UBR7: variants seen among roughly 807,000 people sequenced by gnomAD.
The protein encoded by UBR7 is ubiquitin protein ligase E3 component n-recognin 7.
A neutral mutation model predicts 57.0 loss-of-function variants in UBR7; 22 were observed. The observed-to-expected ratio is 0.39, with a 90% confidence interval of 0.28 to 0.55. The LOEUF (loss-of-function observed/expected upper bound fraction) is 0.55, where lower values mean the gene tolerates loss of function less well. UBR7 is among the 20% of genes least tolerant of loss of function. The pLI is 0.69. For synonymous variants in UBR7, 167 were observed against 179.8 expected (o/e 0.93, Z 0.57); for missense variants, 395 against 513.2 (o/e 0.77, Z 2.23).
chr14:93,218,421 A>AATAAT, intron 6 of UBR7, 106 bp from the exon 7 acceptor site: 1 of 1,029,988 alleles, frequency 9.7e-7, no homozygotes, highest in Non-Finnish European at 1.4e-6. Flanking sequence ...TAAAAAAAAA[A>AATAAT]AATAATAATA....
rs1894442657 is a variant in UBR7 at position 93,209,844 on chromosome 14, A to G, written c.171A>G (p.Ala57=). The G allele has an allele frequency of 6.2e-7, 1 of 1,613,846 alleles. No individual in the cohort carries two copies. The part of the protein sequence containing the change: ...SYSQGSVKRQ[A]LYACSTCTPE... The stretch of plus-strand genomic sequence containing the variant: ...TTCAGGGCTCAGTAAAGAGACAAGC[A>G]CTATATGCCTGTAGTACCTGCACCC... Residue 57 remains alanine (A), a synonymous_variant, in exon 2 of 11, where the codon GCA becomes GCG. Transcript: ENST00000013070.
At chr14:93,226,426 C>G (rs1489429985) in intron 10 of UBR7, among the ~76,000 whole-genome samples, 1 of 152,160 alleles carries the variant, frequency 6.6e-6, no homozygotes, top group Non-Finnish European at 1.5e-5. Flanking sequence ...GGGAGGATCA[C>G]TTGAGCTCAG....
At chr14:93,208,134 G>C (rs1342795530) in intron 1 of UBR7, among the ~76,000 whole-genome samples, 1 of 152,024 alleles carries the variant, frequency 6.6e-6, no homozygotes, top group Non-Finnish European at 1.5e-5. Flanking sequence ...GTGTTTGAGG[G>C]GGTGTGATGT....
At chr14:93,216,759 C>A (rs951554668) in intron 6 of UBR7, among the ~76,000 whole-genome samples, 1 of 151,994 alleles carries the variant, frequency 6.6e-6, no homozygotes, top group Non-Finnish European at 1.5e-5. Flanking sequence ...GGACTACAGG[C>A]ACATGCCACC....
Position 93,219,302 on chromosome 14 carries a change from A to G in UBR7, c.901A>G (p.Thr301Ala). ...LKAKQLIKKD[T>A]ATYWPLNWRS... is the part of the protein sequence containing the mutation. ...AGCTAAGCAGCTTATAAAGAAAGAC[A>G]CTGCCACCTATTGGCCCCTGAACTG... The change falls in exon 8 of 11, where the codon ACT becomes GCT. Residue 301 changes from threonine (T) to alanine (A), a missense_variant. Thr to Ala is a moderately conservative substitution (Grantham distance 58, BLOSUM62 0). Coordinates refer to ENST00000013070, the MANE Select transcript of UBR7 (RefSeq NM_175748.4). 1 of 1,614,210 alleles carries G rather than the reference A, an allele frequency of 6.2e-7. No individual in the cohort carries two copies. Among genetic ancestry groups the G allele is most frequent in the Non-Finnish European group, 8.5e-7 (1 of 1,180,040 alleles).
intron 1 of UBR7, 145 bp from the exon 2 acceptor site, chr14:93,209,679 G>A: frequency 9.5e-7 from 1 of 1,054,492 alleles, no homozygotes; most frequent in South Asian, 1.5e-5. Context: ...ATGCTCTGTT[G>A]TGTAAACTTT....
Position 93,222,359 on chromosome 14 carries a change from T to G in UBR7, c.1170T>G (p.Phe390Leu), listed in dbSNP as rs1309425917. Residue 390 changes from phenylalanine to leucine, a missense_variant, in exon 10 of 11, where the codon TTT (phenylalanine) becomes TTG (leucine). Transcript: ENST00000013070. ...AACTTAAAGACTATCTCAAGAGATT[T>G]GCTGATGAAGGCACGGTATGTTGAG... ...KTELKDYLKR[F>L]ADEGTVVKRE... 1 of 1,608,846 alleles carries G rather than the reference T, an allele frequency of 6.2e-7. No homozygotes were observed. Among genetic ancestry groups the G allele is most frequent in the Non-Finnish European group, 8.5e-7 (1 of 1,175,220 alleles).
chr14:93,224,372 CTTTTTTTTTTTTTT>C (rs761189322), intron 10 of UBR7, among the ~76,000 whole-genome samples: 3 of 93,792 alleles, frequency 3.2e-5, no homozygotes, highest in African/African-American at 5.1e-5. Flanking sequence ...CCTTACAGTT[CTTTTTTTTTTTTTT>C]TTTTTTTTTT....
At chr14:93,224,031 G>C (rs747809554) in intron 10 of UBR7, 2 of 940,626 alleles carry the variant, frequency 2.1e-6, no homozygotes, top group Non-Finnish European at 3.4e-6. Context: ...GCGACAACGT[G>C]ATTAGGCGCA....
In UBR7 at chr14:93,227,243, C is replaced by A. The variant is rs531404171; in HGVS notation, c.*208C>A. 4.7e-6 allele frequency: 3 copies of A among 632,038 alleles called. No homozygotes were observed. Among genetic ancestry groups the A allele is most frequent in the Non-Finnish European group, 8.8e-6 (3 of 342,294 alleles). The allele number at this position is 632,038 out of a possible 1,614,324, so 39.2% of individuals were successfully genotyped here. A position where few individuals can be genotyped will look rare whatever the true frequency, so the allele number is the denominator to read the frequency against. The stretch of plus-strand genomic sequence containing the variant: ...CCTCTGTGACTCAGCTGATGCAGCT[C>A]ATTCCACAGACTTCTCCAGTGTACT... On this transcript the variant is annotated 3_prime_UTR_variant, in exon 11 of 11. Coordinates refer to ENST00000013070, the MANE Select transcript of UBR7 (RefSeq NM_175748.4).
chr14:93,221,842 G>C, intron 9 of UBR7, among the ~76,000 whole-genome samples: 1 of 152,062 alleles, frequency 6.6e-6, no homozygotes. Context: ...AAGTAGCCAG[G>C]CATGGTGGCG....
At position 93,220,296 on chromosome 14, in the gene UBR7, C is replaced by T; in HGVS notation, c.1008C>T (p.Asp336=). The change falls in exon 9 of 11, where the codon GAC becomes GAT. Residue 336 remains aspartate, a synonymous_variant. Transcript: ENST00000013070. ...TCTTATTCCTGACAGATGAATACGA[C>T]ACAGTTCTGGCTTATGAAAACAAAG... ...LDVLFLTDEY[D]TVLAYENKGK... 5.6e-6 allele frequency: 9 copies of T among 1,606,132 alleles called. No individual in the cohort carries two copies. Among genetic ancestry groups the T allele is most frequent in the Non-Finnish European group, 7.6e-6 (9 of 1,178,592 alleles).
chr14:93,208,293 T>G (rs1177073306), intron 1 of UBR7, among the ~76,000 whole-genome samples: 1 of 152,010 alleles, frequency 6.6e-6, no homozygotes, highest in Non-Finnish European at 1.5e-5. Flanking sequence ...GGGGAGAGAC[T>G]TGTATTCATT....
At chr14:93,209,626 C>T (rs1324402118) in intron 1 of UBR7, among the ~76,000 whole-genome samples, 198 bp from the exon 2 acceptor site, 1 of 152,158 alleles carries the variant, frequency 6.6e-6, no homozygotes, top group Non-Finnish European at 1.5e-5. Flanking sequence ...AAAAAAAGCA[C>T]TAGTATAAAA....
In UBR7 at chr14:93,212,100, G is replaced by T; in HGVS notation, c.414G>T (p.Lys138Asn). Residue 138 changes from lysine (K) to asparagine (N), a missense_variant, in exon 4 of 11, where the codon AAG becomes AAT. Lys to Asn is a moderately conservative substitution (Grantham distance 94). Coordinates refer to ENST00000013070, the MANE Select transcript of UBR7 (RefSeq NM_175748.4). The stretch of plus-strand genomic sequence containing the variant: ...TTTTTGGATTGTACTGCATTTGCAA[G>T]AGACCTTATCCTGATCCTGAAGACG... ...DNFFGLYCICKRPYPDPEDEI... is the reference protein window; with the variant it reads ...DNFFGLYCICNRPYPDPEDEI... 1 of 1,612,884 alleles carries T rather than the reference G, an allele frequency of 6.2e-7. No homozygotes were observed. Among genetic ancestry groups the T allele is most frequent in the South Asian group, 1.1e-5 (1 of 90,866 alleles).
At chr14:93,209,714 A>C (rs1187114376) in intron 1 of UBR7, 110 bp from the exon 2 acceptor site, 2 of 1,388,028 alleles carry the variant, frequency 1.4e-6, no homozygotes, top group East Asian at 2.5e-5. Flanking sequence ...TTTTACAGAA[A>C]GATCTTGACC....
intron 2 of UBR7, among the ~76,000 whole-genome samples, chr14:93,210,391 A>G (rs1431991895): frequency 1.3e-5 from 2 of 152,174 alleles, no homozygotes; most frequent in African/African-American, 4.8e-5. Flanking sequence ...CACTAATGAA[A>G]TTTAATGTAA....
rs1395673192 is a variant in UBR7, at chr14:93,227,500, C to A, written c.*465C>A. 2.9e-6 allele frequency: 2 copies of A among 696,290 alleles called. No individual in the cohort carries two copies. Among genetic ancestry groups the A allele is most frequent in the African/African-American group, 3.5e-5 (2 of 57,078 alleles). 43.1% of individuals were successfully genotyped at this position (696,290 alleles called of 1,614,324 possible). On this transcript the variant is annotated 3_prime_UTR_variant, in exon 11 of 11. Transcript: ENST00000013070. ...CCCCTATGATCGTGGTGCCTTGGGT[C>A]AAAGCTTCCTCAAGCCTGGTCTGCT...
At chr14:93,224,031 G>A in intron 10 of UBR7, 1 of 940,626 alleles carries the variant, frequency 1.1e-6, no homozygotes, top group South Asian at 1.3e-5. Context: ...GCGACAACGT[G>A]ATTAGGCGCA....
Sources: gnomAD v4.1 joint callset for allele counts (sites outside exome capture counted in the v4.1 genomes callset) on GRCh38, gnomAD v4.1.1 for gene constraint, MANE v1.5 for transcripts, NCBI Gene and HGNC (gene_info 2026-07-23, HGNC 2026-07-21) for gene names.